Variants in RGS6 observed in about 807,000 individuals in gnomAD.
The protein encoded by RGS6 is regulator of G protein signaling 6, also known as regulator of G-protein signaling 6.
RGS6 carries 30 observed loss-of-function variants against 78.5 expected under a neutral mutation model. The observed-to-expected ratio is 0.38, with a 90% CI of 0.29 to 0.52. The LOEUF (loss-of-function observed/expected upper bound fraction) is 0.52, where lower values mean the gene tolerates loss of function less well. RGS6 is among the 20% of genes least tolerant of loss of function. The pLI is 0.85. For synonymous variants in RGS6, 206 were observed against 206.0 expected, an observed-to-expected ratio of 1.00 and a Z score of 0.00; for missense variants, 495 against 609.7, an observed-to-expected ratio of 0.81 and a Z score of 1.98.
intron 3 of RGS6, among the ~76,000 whole-genome samples, chr14:72,442,827 G>A (rs542145036): frequency 2.0e-5 from 3 of 152,192 alleles, no homozygotes; most frequent in Non-Finnish European, 4.4e-5. Flanking sequence ...GAAAGCAAAG[G>A]GCTTAGCTGT....
At chr14:72,612,296 C>A in the RGS6 span, among the ~76,000 whole-genome samples, 11 of 152,180 alleles carry the variant, frequency 7.2e-5, no homozygotes, top group African/African-American at 2.4e-4. Context: ...GTGGACCAGA[C>A]GCATTGGTGA....
At chr14:72,004,850 A>T (rs28377656) in intron 2 of RGS6, among the ~76,000 whole-genome samples, 2 of 146,166 alleles carry the variant, frequency 1.4e-5, no homozygotes, top group African/African-American at 2.5e-5. Context: ...AATAAATAAA[A>T]CAAACATAAA....
At chr14:72,544,865 C>G (rs998623468) in intron 17 of RGS6, among the ~76,000 whole-genome samples, 1 of 152,234 alleles carries the variant, frequency 6.6e-6, no homozygotes, top group Non-Finnish European at 1.5e-5. Context: ...GAGAAACTCC[C>G]AGCTCCAGGC....
At chr14:72,592,941 C>A in the RGS6 span, among the ~76,000 whole-genome samples, 2 of 152,172 alleles carry the variant, frequency 1.3e-5, no homozygotes, top group African/African-American at 4.8e-5. Flanking sequence ...TCCCTTGGAC[C>A]AGTTGTAAGC....
At chr14:72,442,608 G>A (rs189091023) in intron 3 of RGS6, among the ~76,000 whole-genome samples, 65 of 152,328 alleles carry the variant, frequency 4.3e-4, no homozygotes, top group African/African-American at 1.5e-3. Flanking sequence ...TGACAACAAT[G>A]ATAAACTCAC....
At chr14:72,425,946 G>A (rs533472638) in intron 3 of RGS6, among the ~76,000 whole-genome samples, 2 of 152,168 alleles carry the variant, frequency 1.3e-5, no homozygotes, top group East Asian at 1.9e-4. Flanking sequence ...GTAGGGAAAA[G>A]AGAAAGAGAA....
At chr14:72,279,912 A>C (rs1273121013) in intron 2 of RGS6, among the ~76,000 whole-genome samples, 1 of 152,236 alleles carries the variant, frequency 6.6e-6, no homozygotes, top group African/African-American at 2.4e-5. Flanking sequence ...AGCCAGCTAA[A>C]AAGTGAGAGA....
intron 2 of RGS6, among the ~76,000 whole-genome samples, chr14:72,223,152 G>C (rs1167993215): frequency 6.6e-6 from 1 of 152,094 alleles, no homozygotes; most frequent in Non-Finnish European, 1.5e-5. Context: ...CAATGAGTGT[G>C]GAAAACAAAT....
chr14:72,583,036 C>T, the RGS6 span, among the ~76,000 whole-genome samples: 1 of 152,062 alleles, frequency 6.6e-6, no homozygotes, highest in South Asian at 2.1e-4. Context: ...AGAGGAAGAG[C>T]AAATTCATTC....
chr14:71,908,898 C>T, the RGS6 span, among the ~76,000 whole-genome samples: 1 of 152,266 alleles, frequency 6.6e-6, no homozygotes, highest in Non-Finnish European at 1.5e-5. Flanking sequence ...TGAAAATAAC[C>T]ACATTCTAAG....
At chr14:72,173,855 T>C (rs1251226262) in intron 2 of RGS6, among the ~76,000 whole-genome samples, 1 of 152,178 alleles carries the variant, frequency 6.6e-6, no homozygotes, top group Non-Finnish European at 1.5e-5. Flanking sequence ...CTCTTGATAA[T>C]TGATCCTCAG....
intron 3 of RGS6, among the ~76,000 whole-genome samples, chr14:72,397,218 A>T (rs752658616): frequency 2.0e-5 from 3 of 152,004 alleles, no homozygotes; most frequent in Non-Finnish European, 2.9e-5. Flanking sequence ...ATCCTCTTTT[A>T]TTTCATTTAG....
chr14:71,974,180 T>C (rs556573828), intron 2 of RGS6, among the ~76,000 whole-genome samples: 1 of 152,012 alleles, frequency 6.6e-6, no homozygotes, highest in East Asian at 1.9e-4. Flanking sequence ...AAATTCCCTA[T>C]TGGCAGGATT....
chr14:72,517,552 C>G (rs1036744324), intron 14 of RGS6, among the ~76,000 whole-genome samples: 57 of 152,304 alleles, frequency 3.7e-4, no homozygotes, highest in Admixed American at 7.8e-4. Context: ...CTCTTGCTCT[C>G]AGCAGAAGGA....
chr14:72,004,226 T>TACAACTACTAC (rs2084071924), intron 2 of RGS6, among the ~76,000 whole-genome samples: 3 of 152,180 alleles, frequency 2.0e-5, no homozygotes, highest in South Asian at 4.1e-4. Context: ...GCTCAACCAT[T>TACAACTACTAC]TACTGACGTT....
intron 2 of RGS6, among the ~76,000 whole-genome samples, chr14:72,326,874 A>C (rs2073909226): frequency 6.6e-6 from 1 of 152,012 alleles, no homozygotes. Flanking sequence ...TGCCCGGCTA[A>C]TTTTTTGTAT....
the RGS6 span, among the ~76,000 whole-genome samples, chr14:71,874,452 G>T: frequency 8.6e-5 from 13 of 151,960 alleles, no homozygotes; most frequent in African/African-American, 2.4e-4. Flanking sequence ...TTGTTTGTTG[G>T]TGGTGTATAG....
intron 2 of RGS6, among the ~76,000 whole-genome samples, chr14:71,987,407 A>G (rs1272511368): frequency 6.6e-6 from 1 of 152,224 alleles, no homozygotes; most frequent in Non-Finnish European, 1.5e-5. Flanking sequence ...AAACAAGCCC[A>G]TGCCATCGAG....
At chr14:72,352,926 A>AT (rs1196260294) in intron 3 of RGS6, among the ~76,000 whole-genome samples, 4 of 152,240 alleles carry the variant, frequency 2.6e-5, no homozygotes, top group South Asian at 4.1e-4. Context: ...ATAAATTAAG[A>AT]TAAAATTTTA....
Sources: allele counts gnomAD v4.1 joint callset (sites outside exome capture counted in the v4.1 genomes callset), GRCh38; gene constraint gnomAD v4.1.1; transcripts MANE v1.5; gene names NCBI Gene and HGNC (gene_info 2026-07-23, HGNC 2026-07-21).